The following DPP6 variants were observed in gnomAD, a reference collection of about 807,000 sequenced individuals.
DPP6 encodes the protein A-type potassium channel modulatory protein DPP6.
Under a neutral mutation model 122.6 loss-of-function variants are expected in DPP6, and 69 were observed. That is an observed-to-expected ratio of 0.56 (90% CI 0.46 to 0.69). DPP6 has a LOEUF of 0.69. Ranked by LOEUF, DPP6 falls within the 30% of genes least tolerant of loss-of-function variation. The probability of loss-of-function intolerance (pLI) is 0.00; values close to 1 mark genes in which losing one functional copy is unlikely to be tolerated. For synonymous variants in DPP6, 418 were observed against 433.1 expected, an observed-to-expected ratio of 0.97 and a Z score of 0.43; for missense variants, 928 against 1,116.9, an observed-to-expected ratio of 0.83 and a Z score of 2.41.
chr7:154,459,782 G>A (rs1821117202), intron 2 of DPP6, among the ~76,000 whole-genome samples: 1 of 140,684 alleles, frequency 7.1e-6, no homozygotes, highest in Admixed American at 7.3e-5. Flanking sequence ...CTCCAGCCTG[G>A]GTGACAGAGT....
At chr7:153,974,948 T>A (rs1317767859) in intron 1 of DPP6, among the ~76,000 whole-genome samples, 2 of 152,232 alleles carry the variant, frequency 1.3e-5, no homozygotes, top group African/African-American at 4.8e-5. Context: ...TCCTTCCTAA[T>A]GCGCTGGCTT....
chr7:154,108,627 G>C (rs193224893), intron 1 of DPP6, among the ~76,000 whole-genome samples: 5 of 152,276 alleles, frequency 3.3e-5, no homozygotes, highest in Admixed American at 2.0e-4. Context: ...CTTTCAGTGC[G>C]TAACAAACAC....
At chr7:154,666,210 C>CATAT (rs1196879201) in intron 6 of DPP6, among the ~76,000 whole-genome samples, 1 of 147,214 alleles carries the variant, frequency 6.8e-6, no homozygotes, top group Non-Finnish European at 1.5e-5. Flanking sequence ...TACACATATA[C>CATAT]ATACATACAT....
At chr7:153,865,313 A>AT in the DPP6 span, among the ~76,000 whole-genome samples, 1 of 152,144 alleles carries the variant, frequency 6.6e-6, no homozygotes, top group Non-Finnish European at 1.5e-5. Context: ...AACCACAGAT[A>AT]TTTTTTGTTG....
the DPP6 span, among the ~76,000 whole-genome samples, chr7:153,786,089 G>C: frequency 6.6e-6 from 1 of 152,192 alleles, no homozygotes; most frequent in African/African-American, 2.4e-5. Flanking sequence ...ATTGTCTTTT[G>C]TGCATTTATT....
At chr7:154,361,627 A>C (rs10228069) in intron 1 of DPP6, among the ~76,000 whole-genome samples, 29,357 of 147,262 alleles carry the variant, frequency 0.2, 5,771 homozygotes, top group African/African-American at 0.52. Flanking sequence ...AAAAAAAAGA[A>C]TTGGGGTCAT....
intron 13 of DPP6, among the ~76,000 whole-genome samples, 169 bp downstream of exon 13, chr7:154,801,631 T>C (rs1038722476): frequency 2.0e-5 from 3 of 152,088 alleles, no homozygotes; most frequent in African/African-American, 4.8e-5. Context: ...GAGGTTCCCA[T>C]CAGGCCTGGT....
rs186265723 is a variant in DPP6 at position 154,027,907 on chromosome 7, C to T, written c.51+140173C>T. Among the ~76,000 whole-genome samples, 21 of 151,564 alleles carry T rather than the reference C, an allele frequency of 1.4e-4. No individual in the cohort carries two copies. In the East Asian group the frequency reaches 3.1e-3, roughly 22 times the overall value. On this transcript the variant is annotated intron_variant, in intron 1 of 25. Coordinates refer to the DPP6 transcript ENST00000404039. ...GACAGCATGAGCCCAAATGTTTTTC[C>T]GTAGTTCATCCTGGATCCCGGAAAC...
chr7:153,758,627 G>A, the DPP6 span, among the ~76,000 whole-genome samples: 2 of 152,020 alleles, frequency 1.3e-5, no homozygotes, highest in Non-Finnish European at 2.9e-5. Flanking sequence ...ATTAAAGTAG[G>A]TGGTCTTTTA....
intron 1 of DPP6, among the ~76,000 whole-genome samples, chr7:154,342,258 C>G (rs765272651): frequency 1.3e-5 from 2 of 152,028 alleles, no homozygotes; most frequent in Non-Finnish European, 2.9e-5. Context: ...CGTGTGGGCA[C>G]AGCATGGAAA....
chr7:154,138,314 A>G (rs1795681013), intron 1 of DPP6, among the ~76,000 whole-genome samples: 1 of 152,222 alleles, frequency 6.6e-6, no homozygotes. Context: ...ATTCAACTGA[A>G]TGGAAATAGC....
intron 4 of DPP6, among the ~76,000 whole-genome samples, chr7:154,556,890 T>C (rs983998356): frequency 4.0e-5 from 6 of 151,128 alleles, no homozygotes; most frequent in South Asian, 2.1e-4. Context: ...GTTTGGGAAA[T>C]TGATACATAG....
At chr7:154,358,937 C>T (rs139654806) in intron 1 of DPP6, among the ~76,000 whole-genome samples, 5,762 of 152,268 alleles carry the variant, frequency 0.038, 377 homozygotes, top group African/African-American at 0.13. Context: ...AACTCCTGAC[C>T]TCAGGTGATC....
intron 21 of DPP6, among the ~76,000 whole-genome samples, chr7:154,882,268 C>T (rs1032140357): frequency 2.6e-5 from 4 of 152,202 alleles, no homozygotes; most frequent in African/African-American, 4.8e-5. Flanking sequence ...CTGATGCACC[C>T]CCACACCCTG....
rs397841854 is a variant in DPP6, at chr7:154,079,425, C to T, written c.243+26362C>T. On this transcript the variant is annotated intron_variant, in intron 1 of 25. Transcript: ENST00000377770. ...GAGAAAAGTTAAGTACTGCGTACTG[C>T]GCAAATGAAGGGTGGGAGCTATTGA... Among the ~76,000 whole-genome samples the T allele has an allele frequency of 5.9e-5, 9 of 152,194 alleles. No homozygotes were observed. The East Asian group carries it at 7.7e-4, about 13-fold the overall frequency.
the DPP6 span, among the ~76,000 whole-genome samples, chr7:153,758,517 A>C: frequency 6.6e-6 from 1 of 152,202 alleles, no homozygotes; most frequent in East Asian, 1.9e-4. Context: ...GTTTCTCCCT[A>C]ACAATTCCAC....
At chr7:153,891,697 T>G (rs1026366263) in intron 1 of DPP6, among the ~76,000 whole-genome samples, 1 of 152,232 alleles carries the variant, frequency 6.6e-6, no homozygotes, top group African/African-American at 2.4e-5. Flanking sequence ...TATGAGCTTT[T>G]TTCAGACATT....
chr7:154,882,622 G>A (rs1243680040), intron 21 of DPP6, among the ~76,000 whole-genome samples: 1 of 152,188 alleles, frequency 6.6e-6, no homozygotes, highest in African/African-American at 2.4e-5. Context: ...GAGGTGACCT[G>A]GAGAGCAAGG....
In DPP6 at chr7:154,769,576, G is replaced by C; in HGVS notation, c.1038+5G>C. The C allele has an allele frequency of 6.3e-7, 1 of 1,593,068 alleles. No individual in the cohort carries two copies. Among genetic ancestry groups the C allele is most frequent in the East Asian group, 2.2e-5 (1 of 44,460 alleles). ...AAGCCCTACCACTATCCCAAGGTAG[G>C]CAAAGGGACACCGCACAGCAAATTC... On this transcript the variant is annotated splice_donor_5th_base_variant and intron_variant, in intron 9 of 25. Transcript: ENST00000377770.
Sources: gnomAD v4.1 joint callset for allele counts (sites outside exome capture counted in the v4.1 genomes callset) on GRCh38, gnomAD v4.1.1 for gene constraint, MANE v1.5 for transcripts, NCBI Gene and HGNC (gene_info 2026-07-23, HGNC 2026-07-21) for gene names.